The following WWC1 variants were observed in gnomAD, a reference collection of about 807,000 sequenced individuals.
WWC1 encodes the protein WW and C2 domain containing 1.
Under a neutral mutation model 138.4 loss-of-function variants are expected in WWC1, and 55 were observed. The observed-to-expected ratio is 0.40, with a 90% CI of 0.32 to 0.50. The LOEUF is 0.50. WWC1 is among the 20% of genes least tolerant of loss of function. WWC1 has a pLI of 0.72. For synonymous variants in WWC1, 524 were observed against 564.9 expected, an observed-to-expected ratio of 0.93 and a Z score of 1.03; for missense variants, 1,226 against 1,420.4, an observed-to-expected ratio of 0.86 and a Z score of 2.20.
chr5:168,441,947 G>C (rs1412869577), intron 16 of WWC1, 113 bp downstream of exon 16: 2 of 1,407,162 alleles, frequency 1.4e-6, no homozygotes, highest in Admixed American at 5.4e-5. Context: ...GAACAATGGG[G>C]TGGAGGAAGT....
In WWC1 at chr5:168,464,927, C is replaced by T. The variant is rs140696898; in HGVS notation, c.3115C>T (p.Arg1039Cys). 299 of 1,614,014 alleles carry T rather than the reference C, an allele frequency of 1.9e-4. No individual in the cohort carries two copies. The highest frequency in any genetic ancestry group is 2.3e-4 in the Non-Finnish European group (272 of 1,180,024). ...GCCACAGTGGTTGCGTGAGGACGAG[C>T]GTTTCCGCCTGCTGCTGAGGATGCT... ...ELPQWLREDERFRLLLRMLEK... is the reference protein window; with the variant it reads ...ELPQWLREDECFRLLLRMLEK... The change falls in exon 21 of 23, where the codon CGT becomes TGT. Residue 1039 changes from arginine (R) to cysteine (C), a missense_variant. Physicochemically the swap from Arg to Cys is radical, Grantham distance 180. Transcript: ENST00000265293.
chr5:168,472,032 C>T lies in WWC1; in HGVS notation c.*3015C>T, dbSNP rs1357321385. 1.3e-5 allele frequency: 2 copies of T among 152,350 alleles called. No individual in the cohort carries two copies. Among genetic ancestry groups the T allele is most frequent in the South Asian group, 4.1e-4 (2 of 4,826 alleles). 9.4% of individuals were successfully genotyped at this position (152,350 alleles called of 1,614,324 possible). ...CAGCCCCTCATACCCCTGCAGCATC[C>T]GCTGCTATGAAGCAGAGCTGTAAAC... On this transcript the variant is annotated 3_prime_UTR_variant, in exon 23 of 23. Transcript: ENST00000265293.
At chr5:168,445,144 T>C (rs1755130785) in intron 17 of WWC1, among the ~76,000 whole-genome samples, 1 of 151,532 alleles carries the variant, frequency 6.6e-6, no homozygotes, top group Non-Finnish European at 1.5e-5. Context: ...TGAAACCCTG[T>C]CTCTACTAAA....
chr5:168,315,208 G>T (rs1771473305), intron 1 of WWC1, among the ~76,000 whole-genome samples: 1 of 150,656 alleles, frequency 6.6e-6, no homozygotes, highest in Non-Finnish European at 1.5e-5. Context: ...TTCAAAGCAG[G>T]CTTTCTCAGA....
At chr5:168,421,937 G>T in intron 9 of WWC1, 71 bp from the exon 10 acceptor site, 1 of 1,329,280 alleles carries the variant, frequency 7.5e-7, no homozygotes, top group South Asian at 1.2e-5. Context: ...GTGGGTCTGG[G>T]TGTACATGGG....
At chr5:168,427,775 A>T (rs1431581197) in intron 11 of WWC1, among the ~76,000 whole-genome samples, 2 of 151,614 alleles carry the variant, frequency 1.3e-5, no homozygotes, top group Non-Finnish European at 2.9e-5. Flanking sequence ...GCAATATGGC[A>T]AAACCCCATC....
intron 1 of WWC1, among the ~76,000 whole-genome samples, chr5:168,348,603 G>A (rs536961168): frequency 4.2e-4 from 64 of 152,230 alleles, no homozygotes; most frequent in African/African-American, 1.4e-3. Context: ...CTGGGGGTGC[G>A]GCCATCACAA....
intron 5 of WWC1, 51 bp from the exon 6 acceptor site, chr5:168,406,147 C>G (rs1779771863): frequency 6.2e-7 from 1 of 1,602,918 alleles, no homozygotes; most frequent in Non-Finnish European, 8.5e-7. Context: ...CTGGGGAGAC[C>G]CTGTCCCTCA....
At chr5:168,332,288 T>G (rs1196221745) in intron 1 of WWC1, among the ~76,000 whole-genome samples, 2 of 152,230 alleles carry the variant, frequency 1.3e-5, no homozygotes, top group African/African-American at 4.8e-5. Context: ...TCATTTCATT[T>G]AACTTCCTTG....
intron 1 of WWC1, among the ~76,000 whole-genome samples, chr5:168,361,532 A>C (rs1015909257): frequency 2.0e-5 from 3 of 152,052 alleles, no homozygotes; most frequent in Non-Finnish European, 4.4e-5. Flanking sequence ...ATCAATACCT[A>C]TTTCTTGGAG....
At chr5:168,463,118 G>A (rs1252285225) in intron 20 of WWC1, among the ~76,000 whole-genome samples, 1 of 152,176 alleles carries the variant, frequency 6.6e-6, no homozygotes, top group Non-Finnish European at 1.5e-5. Flanking sequence ...TTCTATTGCT[G>A]CATAATAAAT....
At chr5:168,300,621 A>C (rs1769976926) in intron 1 of WWC1, among the ~76,000 whole-genome samples, 1 of 150,334 alleles carries the variant, frequency 6.7e-6, no homozygotes, top group Non-Finnish European at 1.5e-5. Flanking sequence ...GATTAGGGAC[A>C]CCTTTGTTGG....
At chr5:168,390,802 A>C (rs977330490) in intron 3 of WWC1, among the ~76,000 whole-genome samples, 2 of 152,224 alleles carry the variant, frequency 1.3e-5, no homozygotes, top group Non-Finnish European at 2.9e-5. Context: ...TCGCTGGTGT[A>C]ATCTCTAGCT....
At chr5:168,350,302 A>G (rs1229230037) in intron 1 of WWC1, among the ~76,000 whole-genome samples, 4 of 152,246 alleles carry the variant, frequency 2.6e-5, no homozygotes, top group African/African-American at 4.8e-5. Context: ...TTACTAGTCC[A>G]TAGTGGGTTG....
Position 168,428,087 on chromosome 5 carries a change from T to A in WWC1, c.1865T>A (p.Val622Glu), listed in dbSNP as rs1297264146. ...GLKVACVSAA[V>E]SDESVAGDSG... ...AAAGTGGCCTGTGTCTCAGCCGCCG[T>A]ATCGGACGAGTCAGTGGCTGGAGAC... The change falls in exon 12 of 23, where the codon GTA becomes GAA. Residue 622 changes from valine (V) to glutamate (E), a missense_variant. Val to Glu is a moderately radical substitution (Grantham distance 121, BLOSUM62 -2). Coordinates refer to ENST00000265293, the MANE Select transcript of WWC1 (RefSeq NM_015238.3). The A allele has an allele frequency of 4.3e-6, 7 of 1,613,680 alleles. No individual in the cohort carries two copies. Among genetic ancestry groups the A allele is most frequent in the Non-Finnish European group, 5.9e-6 (7 of 1,179,812 alleles).
chr5:168,291,993 C>T lies in WWC1; in HGVS notation c.-160C>T. ...CTGCAGGGCCGCATGGACAGCGGCG[C>T]CACCCCGGCCGGCCCCTACTAGGGC... is the stretch of plus-strand genomic sequence containing the variant. On this transcript the variant is annotated 5_prime_UTR_variant, in exon 1 of 23. Transcript: ENST00000265293. 1 of 778,944 alleles carries T rather than the reference C, an allele frequency of 1.3e-6. No individual in the cohort carries two copies. The highest frequency in any genetic ancestry group is 1.8e-6 in the Non-Finnish European group (1 of 559,948). 48.3% of individuals were successfully genotyped at this position (778,944 alleles called of 1,614,324 possible).
chr5:168,422,132 G>C, intron 10 of WWC1, 35 bp downstream of exon 10: 1 of 1,600,726 alleles, frequency 6.2e-7, no homozygotes, highest in Non-Finnish European at 8.5e-7. Flanking sequence ...TGCTCCCCTG[G>C]GCATGGCCAG....
chr5:168,309,319 A>G (rs1014578929), intron 1 of WWC1, among the ~76,000 whole-genome samples: 2 of 152,180 alleles, frequency 1.3e-5, no homozygotes, highest in African/African-American at 4.8e-5. Flanking sequence ...ACCGCAAACA[A>G]CAAATCGAAA....
rs560014656 is a variant in WWC1, at chr5:168,383,131, C to T, written c.230-2080C>T. On this transcript the variant is annotated intron_variant, in intron 2 of 22. Coordinates refer to ENST00000265293, the MANE Select transcript of WWC1 (RefSeq NM_015238.3). The stretch of plus-strand genomic sequence containing the variant: ...GGCAGAGGTTGCAGTGAGCCAAGAT[C>T]ACGCCACTGCACTCCAGCCTGGGAG... Among the ~76,000 whole-genome samples the T allele has an allele frequency of 3.3e-5, 5 of 150,480 alleles. No individual in the cohort carries two copies. The East Asian group carries it at 9.8e-4, about 29-fold the overall frequency.
Sources: allele counts gnomAD v4.1 joint callset (sites outside exome capture counted in the v4.1 genomes callset), GRCh38; gene constraint gnomAD v4.1.1; transcripts MANE v1.5; gene names NCBI Gene and HGNC (gene_info 2026-07-23, HGNC 2026-07-21).